Variants in DPP6 observed in about 807,000 individuals in gnomAD.
DPP6 encodes the protein dipeptidyl peptidase like 6, also known as A-type potassium channel modulatory protein DPP6.
DPP6 carries 69 observed loss-of-function variants against 122.6 expected under a neutral mutation model. The ratio of observed to expected loss-of-function variants is 0.56; its 90% CI spans 0.46 to 0.69. The LOEUF (loss-of-function observed/expected upper bound fraction) is 0.69, where lower values mean the gene tolerates loss of function less well. Ranked by LOEUF, DPP6 falls within the 30% of genes least tolerant of loss-of-function variation. The probability of loss-of-function intolerance (pLI) is 0.00; values close to 1 mark genes in which losing one functional copy is unlikely to be tolerated. For synonymous variants in DPP6, 418 were observed against 433.1 expected, an observed-to-expected ratio of 0.97 and a Z score of 0.43; for missense variants, 928 against 1,116.9, an observed-to-expected ratio of 0.83 and a Z score of 2.41.
At chr7:153,944,581 C>T (rs1041493959) in intron 1 of DPP6, among the ~76,000 whole-genome samples, 8 of 141,338 alleles carry the variant, frequency 5.7e-5, no homozygotes, top group African/African-American at 1.6e-4. Context: ...AAGGAGGAGG[C>T]GGGTGTGGTG....
intron 1 of DPP6, among the ~76,000 whole-genome samples, chr7:154,166,370 G>T (rs1349320777): frequency 6.6e-6 from 1 of 152,166 alleles, no homozygotes; most frequent in Non-Finnish European, 1.5e-5. Context: ...CCTTCTCAGA[G>T]GATGAGAGAG....
At chr7:153,943,919 G>C (rs532592242) in intron 1 of DPP6, among the ~76,000 whole-genome samples, 2 of 152,056 alleles carry the variant, frequency 1.3e-5, no homozygotes, top group Non-Finnish European at 2.9e-5. Flanking sequence ...ATCCAGCCCC[G>C]GCCTGAAACA....
intron 1 of DPP6, among the ~76,000 whole-genome samples, chr7:154,104,590 A>T (rs1806007365): frequency 6.6e-6 from 1 of 152,238 alleles, no homozygotes; most frequent in African/African-American, 2.4e-5. Context: ...GACATGTGGT[A>T]TTTTCTCAGG....
At chr7:153,980,490 A>G (rs552486375) in intron 1 of DPP6, among the ~76,000 whole-genome samples, 14 of 152,210 alleles carry the variant, frequency 9.2e-5, no homozygotes, top group Non-Finnish European at 1.0e-4. Flanking sequence ...ATCTTTTAAA[A>G]AAAACCAGCT....
chr7:154,003,301 G>A (rs1418331140), intron 1 of DPP6, among the ~76,000 whole-genome samples: 1 of 152,190 alleles, frequency 6.6e-6, no homozygotes, highest in Non-Finnish European at 1.5e-5. Flanking sequence ...ACTAATGTGT[G>A]TGTCCCAGAT....
chr7:153,927,860 C>G (rs779991176), intron 1 of DPP6, among the ~76,000 whole-genome samples: 1 of 152,088 alleles, frequency 6.6e-6, no homozygotes, highest in Non-Finnish European at 1.5e-5. Flanking sequence ...CTTTGGTGTT[C>G]ATCAGTATCC....
At chr7:153,808,347 G>A in the DPP6 span, among the ~76,000 whole-genome samples, 6 of 150,830 alleles carry the variant, frequency 4.0e-5, no homozygotes, top group East Asian at 7.8e-4. Context: ...GTGTTTGCAC[G>A]TGTGTGTGTG....
chr7:154,423,458 C>T (rs555876947), intron 1 of DPP6, among the ~76,000 whole-genome samples: 16 of 152,190 alleles, frequency 1.1e-4, no homozygotes, highest in African/African-American at 3.4e-4. Context: ...CTGGCAGGCA[C>T]TTCTGGTTGG....
At chr7:153,882,533 GA>G (rs1309115892), upstream of DPP6, among the ~76,000 whole-genome samples, 1 of 152,216 alleles carries the variant, frequency 6.6e-6, no homozygotes, top group African/African-American at 2.4e-5. Context: ...TGTCAAATGT[GA>G]AACTGAACAT....
chr7:153,996,891 T>C (rs1041723536), intron 1 of DPP6, among the ~76,000 whole-genome samples: 18 of 152,202 alleles, frequency 1.2e-4, no homozygotes, highest in South Asian at 6.2e-4. Flanking sequence ...ATGTATGTTA[T>C]ATGAATGTTG....
intron 10 of DPP6, among the ~76,000 whole-genome samples, chr7:154,776,459 G>T (rs959664239): frequency 6.6e-6 from 1 of 152,008 alleles, no homozygotes; most frequent in Admixed American, 6.6e-5. Context: ...GCCCCACCCC[G>T]CTTCCATTTT....
chr7:154,668,290 C>T (rs545539507), intron 6 of DPP6, among the ~76,000 whole-genome samples: 82 of 142,698 alleles, frequency 5.7e-4, no homozygotes, highest in Non-Finnish European at 7.9e-4. Context: ...GCATGATCTC[C>T]GCTCACTGCA....
At chr7:154,744,583 T>C (rs893730055) in intron 8 of DPP6, among the ~76,000 whole-genome samples, 10 of 152,252 alleles carry the variant, frequency 6.6e-5, no homozygotes, top group African/African-American at 2.4e-4. Context: ...CCTTGCAAGG[T>C]AAAAGCTCCA....
intron 1 of DPP6, among the ~76,000 whole-genome samples, chr7:154,300,175 G>C (rs1391189951): frequency 6.6e-6 from 1 of 152,244 alleles, no homozygotes; most frequent in Non-Finnish European, 1.5e-5. Context: ...TGGAGTCCCG[G>C]GTTGGCAGGT....
At chr7:154,817,043 C>G (rs1051019116) in intron 16 of DPP6, among the ~76,000 whole-genome samples, 2 of 152,130 alleles carry the variant, frequency 1.3e-5, no homozygotes, top group African/African-American at 4.8e-5. Flanking sequence ...CTTCAGGTGC[C>G]CGGAGCTCCC....
chr7:153,996,979 T>C (rs1199892887), intron 1 of DPP6, among the ~76,000 whole-genome samples: 1 of 152,096 alleles, frequency 6.6e-6, no homozygotes, highest in Non-Finnish European at 1.5e-5. Context: ...ACAAGGCAAT[T>C]TTTTGGAAGG....
intron 2 of DPP6, among the ~76,000 whole-genome samples, chr7:154,464,418 A>G (rs1040059519): frequency 6.6e-6 from 1 of 152,206 alleles, no homozygotes; most frequent in Non-Finnish European, 1.5e-5. Context: ...GTGATCATTA[A>G]TCTGATTTTT....
At chr7:154,651,418 T>C (rs1327668649) in intron 6 of DPP6, among the ~76,000 whole-genome samples, 1 of 152,130 alleles carries the variant, frequency 6.6e-6, no homozygotes, top group Non-Finnish European at 1.5e-5. Flanking sequence ...TCCCCTTTTT[T>C]CCTAGTTGCA....
intron 1 of DPP6, among the ~76,000 whole-genome samples, chr7:154,010,896 T>C (rs1798125115): frequency 6.6e-6 from 1 of 152,212 alleles, no homozygotes; most frequent in African/African-American, 2.4e-5. Context: ...TTTGTTTATT[T>C]GGCATTTCAA....
Sources: allele counts gnomAD v4.1 joint callset (sites outside exome capture counted in the v4.1 genomes callset), GRCh38; gene constraint gnomAD v4.1.1; transcripts MANE v1.5; gene names NCBI Gene and HGNC (gene_info 2026-07-23, HGNC 2026-07-21).